Variants in RAB39A observed in about 807,000 individuals in gnomAD.
The protein encoded by RAB39A is ras-related protein Rab-39A.
A neutral mutation model predicts 20.9 loss-of-function variants in RAB39A; 17 were observed. The ratio of observed to expected loss-of-function variants is 0.81; its 90% CI spans 0.56 to 1.22. The LOEUF (loss-of-function observed/expected upper bound fraction) is 1.22. Ranked by LOEUF, RAB39A falls within the 50% of genes most tolerant of loss-of-function variation. RAB39A has a pLI of 0.00. For synonymous variants in RAB39A, 99 were observed against 103.4 expected, an observed-to-expected ratio of 0.96 and a Z score of 0.26; for missense variants, 234 against 270.5, an observed-to-expected ratio of 0.87 and a Z score of 0.95.
chr11:107,947,502 G>A (rs1861330996), intron 1 of RAB39A, among the ~76,000 whole-genome samples: 1 of 152,052 alleles, frequency 6.6e-6, no homozygotes, highest in Admixed American at 6.6e-5. Context: ...AAAAAACAGA[G>A]GAGAGAAATA....
rs996517207 is a variant in RAB39A at position 107,963,000 on chromosome 11, A to C, written c.*628A>C. On this transcript the variant is annotated 3_prime_UTR_variant, in exon 2 of 2. Coordinates refer to ENST00000320578, the MANE Select transcript of RAB39A (RefSeq NM_017516.3). ...TTTTACAAAGATATCTAAGGATCCA[A>C]GCAAACTACTTTAAGCAAATATTTG... 1.3e-5 allele frequency: 2 copies of C among 152,152 alleles called. No homozygotes were observed. The highest frequency in any genetic ancestry group is 2.9e-5 in the Non-Finnish European group (2 of 68,030). 9.4% of individuals were successfully genotyped at this position (152,152 alleles called of 1,614,324 possible). A position where few individuals can be genotyped will look rare whatever the true frequency, so the allele number is the denominator to read the frequency against.
At chr11:107,958,831 A>T (rs1470395644) in intron 1 of RAB39A, among the ~76,000 whole-genome samples, 2 of 152,108 alleles carry the variant, frequency 1.3e-5, no homozygotes, top group African/African-American at 4.8e-5. Flanking sequence ...AAAAGATAGT[A>T]TTTCCTGGCC....
At chr11:107,939,646 C>T (rs1861240300) in intron 1 of RAB39A, among the ~76,000 whole-genome samples, 1 of 149,992 alleles carries the variant, frequency 6.7e-6, no homozygotes, top group Non-Finnish European at 1.5e-5. Flanking sequence ...AGGAAAAGAA[C>T]GTAATGAGAG....
chr11:107,953,357 A>G (rs982620838), intron 1 of RAB39A, among the ~76,000 whole-genome samples: 4 of 152,172 alleles, frequency 2.6e-5, no homozygotes, highest in Admixed American at 2.6e-4. Context: ...TATTCAAAAA[A>G]GAGAGTTAGT....
chr11:107,946,436 G>GTATATA (rs1565464268), intron 1 of RAB39A, among the ~76,000 whole-genome samples: 7 of 30,482 alleles, frequency 2.3e-4, no homozygotes, highest in African/African-American at 7.5e-4. Flanking sequence ...GTGTGTGTGT[G>GTATATA]TATATATATA....
chr11:107,929,365 G>C (rs1861114754), intron 1 of RAB39A, among the ~76,000 whole-genome samples: 1 of 152,220 alleles, frequency 6.6e-6, no homozygotes, highest in Non-Finnish European at 1.5e-5. Context: ...GGTGGATGCG[G>C]TAATGGTTTG....
At chr11:107,959,901 T>C (rs1361663300) in intron 1 of RAB39A, among the ~76,000 whole-genome samples, 10 of 152,200 alleles carry the variant, frequency 6.6e-5, no homozygotes, top group Admixed American at 6.5e-4. Flanking sequence ...TTTAGCACTT[T>C]TCCTCTCCAA....
intron 1 of RAB39A, among the ~76,000 whole-genome samples, chr11:107,938,482 C>T (rs1861222587): frequency 1.3e-5 from 2 of 148,758 alleles, no homozygotes; most frequent in South Asian, 4.2e-4. Flanking sequence ...GTAATCCCAA[C>T]ACTTTGAGAG....
intron 1 of RAB39A, among the ~76,000 whole-genome samples, chr11:107,948,030 G>A (rs1396771248): frequency 7.3e-5 from 11 of 151,390 alleles, no homozygotes; most frequent in Admixed American, 6.6e-4. Context: ...AAGAGGACAT[G>A]GGGTACAAGG....
chr11:107,948,969 C>A (rs899156597), intron 1 of RAB39A, among the ~76,000 whole-genome samples: 16 of 152,228 alleles, frequency 1.1e-4, no homozygotes, highest in African/African-American at 3.6e-4. Context: ...GCATATTAAT[C>A]AAGATGGGCC....
chr11:107,929,930 T>C (rs564344504), intron 1 of RAB39A, among the ~76,000 whole-genome samples: 15 of 152,354 alleles, frequency 9.8e-5, no homozygotes, highest in Middle Eastern at 3.4e-3. Context: ...GCAAGTACTC[T>C]GCTTGTGAAA....
At chr11:107,930,857 A>G (rs1591239323) in intron 1 of RAB39A, among the ~76,000 whole-genome samples, 1 of 151,098 alleles carries the variant, frequency 6.6e-6, no homozygotes, top group Non-Finnish European at 1.5e-5. Context: ...CTCAGTCTCA[A>G]AAATAAATAA....
intron 1 of RAB39A, among the ~76,000 whole-genome samples, chr11:107,936,104 T>C (rs1861191817): frequency 6.6e-6 from 1 of 151,996 alleles, no homozygotes; most frequent in Non-Finnish European, 1.5e-5. Flanking sequence ...TTCAGCATGT[T>C]GGCCAGGCTG....
At chr11:107,955,620 C>T (rs913157391) in intron 1 of RAB39A, among the ~76,000 whole-genome samples, 3 of 152,174 alleles carry the variant, frequency 2.0e-5, no homozygotes, top group Non-Finnish European at 4.4e-5. Context: ...AGGCGGATCA[C>T]CTGAGGTTGG....
intron 1 of RAB39A, among the ~76,000 whole-genome samples, chr11:107,959,233 A>T (rs768112998): frequency 3.5e-4 from 54 of 152,254 alleles, no homozygotes; most frequent in Non-Finnish European, 6.2e-4. Flanking sequence ...AGGCATTTTT[A>T]AAATATTCTA....
chr11:107,961,879 G>C, intron 1 of RAB39A, 67 bp from the exon 2 acceptor site: 1 of 1,225,874 alleles, frequency 8.2e-7, no homozygotes. Flanking sequence ...TATGGTGCTA[G>C]ATTGTTGGAA....
chr11:107,941,934 A>C (rs558273378), intron 1 of RAB39A, among the ~76,000 whole-genome samples: 1 of 152,126 alleles, frequency 6.6e-6, no homozygotes, highest in African/African-American at 2.4e-5. Context: ...CCCTGTCTCT[A>C]CTGAAAATAC....
intron 1 of RAB39A, among the ~76,000 whole-genome samples, chr11:107,955,699 G>T (rs868620329): frequency 7.2e-5 from 11 of 152,144 alleles, no homozygotes; most frequent in African/African-American, 2.7e-4. Context: ...TTAGCCACGT[G>T]TGGTGGTGCA....
chr11:107,960,918 C>A (rs1861490159), intron 1 of RAB39A, among the ~76,000 whole-genome samples: 1 of 152,108 alleles, frequency 6.6e-6, no homozygotes, highest in South Asian at 2.1e-4. Context: ...AACCCCCCTG[C>A]AAGCTGGAGG....
Sources: allele counts gnomAD v4.1 joint callset (sites outside exome capture counted in the v4.1 genomes callset), GRCh38; gene constraint gnomAD v4.1.1; transcripts MANE v1.5; gene names NCBI Gene and HGNC (gene_info 2026-07-23, HGNC 2026-07-21).